The following MAP7 variants were observed in gnomAD, a reference collection of about 807,000 sequenced individuals.
The protein encoded by MAP7 is ensconsin.
In MAP7, 52 loss-of-function variants were observed where a neutral mutation model predicts 94.8. That is an observed-to-expected ratio of 0.55 (90% CI 0.44 to 0.69). The LOEUF is 0.69. MAP7 is among the 30% of genes least tolerant of loss of function. The pLI is 0.00. For missense variants in MAP7, 940 were observed against 964.6 expected (o/e 0.97, Z 0.34); for synonymous variants, 350 against 357.0 (o/e 0.98, Z 0.22).
chr6:136,428,632 T>C (rs1793990425), intron 1 of MAP7, among the ~76,000 whole-genome samples: 1 of 152,172 alleles, frequency 6.6e-6, no homozygotes, highest in Admixed American at 6.5e-5. Context: ...AAAAGATAAT[T>C]CTATCAAAAT....
At chr6:136,462,264 C>T (rs756098161) in intron 1 of MAP7, among the ~76,000 whole-genome samples, 17 of 151,514 alleles carry the variant, frequency 1.1e-4, no homozygotes, top group African/African-American at 2.7e-4. Flanking sequence ...CTCAGTGAAA[C>T]GCTATGAGAA....
intron 1 of MAP7, among the ~76,000 whole-genome samples, chr6:136,512,763 C>T (rs1823637016): frequency 6.6e-6 from 1 of 151,722 alleles, no homozygotes. Context: ...GAGGGTCTTG[C>T]TTCCATGTTG....
intron 1 of MAP7, among the ~76,000 whole-genome samples, chr6:136,533,062 C>G (rs772114370): frequency 6.6e-6 from 1 of 152,146 alleles, no homozygotes; most frequent in African/African-American, 2.4e-5. Flanking sequence ...CACCTGAGGT[C>G]GGGAGTTCGG....
intron 1 of MAP7, among the ~76,000 whole-genome samples, chr6:136,475,008 A>G (rs769179271): frequency 6.6e-6 from 1 of 152,210 alleles, no homozygotes; most frequent in Non-Finnish European, 1.5e-5. Flanking sequence ...GAGCCATCAT[A>G]CAAGGCCAAT....
chr6:136,391,387 TC>T (rs1780657700), intron 3 of MAP7, among the ~76,000 whole-genome samples: 1 of 124,052 alleles, frequency 8.1e-6, no homozygotes, highest in Non-Finnish European at 1.6e-5. Flanking sequence ...AATATCACAC[TC>T]TGGGGACTGT....
chr6:136,388,088 T>A (rs1779666886), intron 5 of MAP7, among the ~76,000 whole-genome samples: 2 of 152,206 alleles, frequency 1.3e-5, no homozygotes. Flanking sequence ...CCTGAAACCC[T>A]AATGCAAATA....
intron 1 of MAP7, among the ~76,000 whole-genome samples, chr6:136,507,227 A>G (rs1024742988): frequency 7.2e-5 from 11 of 152,060 alleles, no homozygotes; most frequent in Non-Finnish European, 1.6e-4. Flanking sequence ...GCGGGGGTCA[A>G]TCTCAATGGA....
At chr6:136,429,493 C>A (rs1794257973) in intron 1 of MAP7, among the ~76,000 whole-genome samples, 2 of 152,286 alleles carry the variant, frequency 1.3e-5, no homozygotes, top group South Asian at 2.1e-4. Context: ...AATTTGTAAA[C>A]CCCAACTCTT....
intron 3 of MAP7, among the ~76,000 whole-genome samples, chr6:136,400,729 G>C (rs1172529620): frequency 6.6e-6 from 1 of 152,150 alleles, no homozygotes; most frequent in East Asian, 1.9e-4. Context: ...TGGTCTAAAA[G>C]AAAACAGCTG....
chr6:136,428,605 A>T (rs1025058409), intron 1 of MAP7, among the ~76,000 whole-genome samples: 1 of 152,202 alleles, frequency 6.6e-6, no homozygotes, highest in African/African-American at 2.4e-5. Flanking sequence ...GATAGGAAAG[A>T]TCATGTATAT....
intron 7 of MAP7, among the ~76,000 whole-genome samples, chr6:136,375,613 A>AC (rs1168333519): frequency 6.6e-6 from 1 of 152,210 alleles, no homozygotes; most frequent in Non-Finnish European, 1.5e-5. Flanking sequence ...ATCGGAAGAG[A>AC]TGTTTGCATA....
chr6:136,414,232 G>A (rs1348463397), intron 2 of MAP7, among the ~76,000 whole-genome samples: 6 of 70,702 alleles, frequency 8.5e-5, no homozygotes, highest in African/African-American at 9.2e-5. Context: ...CAGCCTGGGC[G>A]ACAGAGCGAG....
At chr6:136,466,034 C>T (rs1806908363) in intron 1 of MAP7, among the ~76,000 whole-genome samples, 1 of 152,176 alleles carries the variant, frequency 6.6e-6, no homozygotes, top group Non-Finnish European at 1.5e-5. Flanking sequence ...ATAAAAGTTA[C>T]TCCCCGAAAT....
At chr6:136,526,668 GAA>G (rs1827957958) in intron 1 of MAP7, 1 of 985,412 alleles carries the variant, frequency 1.0e-6, no homozygotes, top group South Asian at 4.7e-5. Flanking sequence ...GATGGGAGGA[GAA>G]AGAGTTTTGC....
chr6:136,377,624 C>G, intron 7 of MAP7, 131 bp downstream of exon 7: 1 of 661,366 alleles, frequency 1.5e-6, no homozygotes, highest in Non-Finnish European at 2.7e-6. Context: ...GGTATGAAAC[C>G]AACACCGACA....
At chr6:136,542,635 C>G (rs894301459) in intron 1 of MAP7, among the ~76,000 whole-genome samples, 9 of 151,624 alleles carry the variant, frequency 5.9e-5, no homozygotes, top group Admixed American at 6.6e-5. Context: ...ATGGCACTTC[C>G]GTCTATAATC....
At chr6:136,540,130 A>C (rs1185918354) in intron 1 of MAP7, among the ~76,000 whole-genome samples, 1 of 152,202 alleles carries the variant, frequency 6.6e-6, no homozygotes, top group Admixed American at 6.5e-5. Flanking sequence ...CCTTGGGCAC[A>C]GCAGCATGCG....
At chr6:136,386,368 C>T (rs749853425) in intron 5 of MAP7, among the ~76,000 whole-genome samples, 28 of 152,112 alleles carry the variant, frequency 1.8e-4, no homozygotes, top group Non-Finnish European at 2.8e-4. Context: ...ATTCACAACC[C>T]GTATTAAAAT....
At chr6:136,407,861 G>A (rs1040680103) in intron 3 of MAP7, among the ~76,000 whole-genome samples, 2 of 152,124 alleles carry the variant, frequency 1.3e-5, no homozygotes, top group Non-Finnish European at 2.9e-5. Context: ...CAAAAATGAC[G>A]GAAATAAATA....
Sources: allele counts gnomAD v4.1 joint callset (sites outside exome capture counted in the v4.1 genomes callset), GRCh38; gene constraint gnomAD v4.1.1; transcripts MANE v1.5; gene names NCBI Gene and HGNC (gene_info 2026-07-23, HGNC 2026-07-21).